LARP4B: variants seen among roughly 807,000 people sequenced by gnomAD.
LARP4B encodes the protein la-related protein 4B.
In LARP4B, 12 loss-of-function variants were observed where a neutral mutation model predicts 89.8. That is an observed-to-expected ratio of 0.13 (90% CI 0.09 to 0.22). The LOEUF (loss-of-function observed/expected upper bound fraction) is 0.22. Ranked by LOEUF, LARP4B falls within the 10% of genes least tolerant of loss-of-function variation. The pLI is 1.00. For missense variants in LARP4B, 757 were observed against 947.7 expected (o/e 0.80, Z 2.64); for synonymous variants, 367 against 363.3 (o/e 1.01, Z -0.12).
At chr10:820,462 G>A (rs1443173468) in intron 14 of LARP4B, 1 of 245,348 alleles carries the variant, frequency 4.1e-6, no homozygotes, top group African/African-American at 2.2e-5. Context: ...AGTCATTTCA[G>A]ACTCTCCGGT....
chr10:825,391 A>C, intron 12 of LARP4B, 75 bp from the exon 13 acceptor site: 1 of 1,433,188 alleles, frequency 7.0e-7, no homozygotes, highest in Non-Finnish European at 9.6e-7. Flanking sequence ...ACTGACATGG[A>C]ATAGCTAAGC....
the LARP4B span, among the ~76,000 whole-genome samples, chr10:982,593 T>C: frequency 6.6e-6 from 1 of 152,242 alleles, no homozygotes; most frequent in African/African-American, 2.4e-5. Flanking sequence ...TTTTTACATA[T>C]ATACTTCTAA....
chr10:812,930 TGAG>T lies in LARP4B; in HGVS notation c.2210_2212del (p.Pro737del), dbSNP rs765848137. 4 of 1,536,518 alleles carry T rather than the reference TGAG, an allele frequency of 2.6e-6. No individual in the cohort carries two copies. Among genetic ancestry groups the T allele is most frequent in the East Asian group, 4.5e-5 (2 of 44,354 alleles). On this transcript the variant is annotated inframe_deletion, in exon 18 of 18. Transcript: ENST00000316157. Reference sequence around the variant, plus strand: ...CCCCTCCCAGACGTACGGTTTTCACTGAGGAGACTTGGGGGGAGTGCTCTGCTC... The same window carrying T: ...CCCCTCCCAGACGTACGGTTTTCACTGAGACTTGGGGGGAGTGCTCTGCTC...
intron 3 of LARP4B, chr10:869,869 T>C (rs1034299796): frequency 5.5e-6 from 1 of 182,000 alleles, no homozygotes; most frequent in East Asian, 1.9e-4. Flanking sequence ...CCACTGCAAC[T>C]TGGGTGACAA....
At chr10:884,978 T>C (rs573682567) in intron 2 of LARP4B, among the ~76,000 whole-genome samples, 2 of 152,364 alleles carry the variant, frequency 1.3e-5, no homozygotes, top group East Asian at 1.9e-4. Context: ...CTACTACTTA[T>C]AGTTTCCTCT....
upstream of LARP4B, among the ~76,000 whole-genome samples, chr10:934,630 G>A (rs552849369): frequency 1.7e-4 from 26 of 152,144 alleles, 1 homozygote; most frequent in South Asian, 5.4e-3. Context: ...TGTCTCAGAA[G>A]AAACATCCAT....
At chr10:936,067 A>G (rs1830745442), upstream of LARP4B, among the ~76,000 whole-genome samples, 1 of 152,146 alleles carries the variant, frequency 6.6e-6, no homozygotes, top group South Asian at 2.1e-4. Flanking sequence ...CTGTGAAAAA[A>G]TAAACACTAC....
intron 1 of LARP4B, among the ~76,000 whole-genome samples, chr10:928,429 A>G (rs183249991): frequency 2.2e-4 from 33 of 152,362 alleles, no homozygotes; most frequent in African/African-American, 7.5e-4. Context: ...TGACAATGAA[A>G]TAACAGTGAA....
chr10:868,743 G>A (rs1044006983), intron 3 of LARP4B, among the ~76,000 whole-genome samples: 11 of 152,300 alleles, frequency 7.2e-5, no homozygotes, highest in African/African-American at 2.2e-4. Flanking sequence ...GTGTGGGCAC[G>A]GAAATAAAAG....
rs200771138 is a variant in LARP4B, at chr10:885,677, C to T, written c.45G>A (p.Thr15=). The part of the protein sequence containing the change: ...QDAKVVAEPQ[T]QRVQEGKDSA... The stretch of plus-strand genomic sequence containing the variant: ...TGTCCTTGCCCTCCTGGACTCTCTG[C>T]GTCTGCGGTTCAGCCACAACCTTAG... Residue 15 remains threonine, a synonymous_variant, in exon 2 of 18, where the codon ACG becomes ACA. Transcript: ENST00000316157. 8.1e-6 allele frequency: 13 copies of T among 1,613,968 alleles called. No individual in the cohort carries two copies. The East Asian group carries it at 8.9e-5, about 11-fold the overall frequency.
Position 825,207 on chromosome 10 carries a change from C to G in LARP4B, c.1342G>C (p.Gly448Arg), listed in dbSNP as rs1832559379. 1 of 1,614,150 alleles carries G rather than the reference C, an allele frequency of 6.2e-7. No individual in the cohort carries two copies. Among genetic ancestry groups the G allele is most frequent in the Non-Finnish European group, 8.5e-7 (1 of 1,180,032 alleles). The stretch of plus-strand genomic sequence containing the variant: ...TGCCTTGTTTGTGGACTCCGGACAC[C>G]ATTAATTAATCGATCTGCAGTGAAG... ...FNFTADRLIN[G>R]VRSPQTRQAG... is the part of the protein sequence containing the mutation. Residue 448 changes from glycine to arginine, a missense_variant, in exon 13 of 18, where the codon GGT (glycine) becomes CGT (arginine). Around this residue, in one of 5 missense-constraint regions of LARP4B, gnomAD observed 387 missense variants for 423.6 expected, o/e 0.91. Coordinates refer to ENST00000316157, the MANE Select transcript of LARP4B (RefSeq NM_015155.3).
Position 863,859 on chromosome 10 carries a change from T to A in LARP4B, c.314A>T (p.Asp105Val). The part of the protein sequence containing the change: ...PQGSDANGDG[D>V]QGHENAALPD... ...CAATGCGGCATTCTCATGGCCCTGG[T>A]CACCATCACCATTGGCATCCGATCC... The change falls in exon 5 of 18, where the codon GAC becomes GTC. Residue 105 changes from aspartate (D) to valine (V), a missense_variant. Around this residue, in one of 5 missense-constraint regions of LARP4B, gnomAD observed 175 missense variants for 187.0 expected, o/e 0.94. Transcript: ENST00000316157. 1 of 1,613,368 alleles carries A rather than the reference T, an allele frequency of 6.2e-7. No individual in the cohort carries two copies. Among genetic ancestry groups the A allele is most frequent in the South Asian group, 1.1e-5 (1 of 90,912 alleles).
intron 7 of LARP4B, among the ~76,000 whole-genome samples, chr10:841,748 C>T (rs1013854552): frequency 9.2e-5 from 14 of 152,158 alleles, no homozygotes; most frequent in Admixed American, 5.2e-4. Flanking sequence ...CCAGGGAGCA[C>T]GGCGCCATCC....
intron 7 of LARP4B, among the ~76,000 whole-genome samples, chr10:838,357 C>G (rs1833337745): frequency 6.6e-6 from 1 of 152,006 alleles, no homozygotes. Flanking sequence ...AAAATAGTTG[C>G]AAAAGACACA....
At position 890,993 on chromosome 10, in the gene LARP4B, T is replaced by C. The variant is rs565785741; in HGVS notation, c.-39-5233A>G. Among the ~76,000 whole-genome samples, 6 of 152,308 alleles carry C rather than the reference T, an allele frequency of 3.9e-5. No homozygotes were observed. In the South Asian group the frequency reaches 1.2e-3, roughly 32 times the overall value. Reference sequence around the variant, plus strand: ...GTGGATGCTTTTGCCAACATTAATTTCCAGATTTTTAAGATTCTTATGATA... The same window carrying C: ...GTGGATGCTTTTGCCAACATTAATTCCCAGATTTTTAAGATTCTTATGATA... On this transcript the variant is annotated intron_variant, in intron 1 of 17. Coordinates refer to ENST00000316157, the MANE Select transcript of LARP4B (RefSeq NM_015155.3).
chr10:893,071 CT>C (rs58203940), intron 1 of LARP4B, among the ~76,000 whole-genome samples: 56,069 of 149,566 alleles, frequency 0.37, 11,004 homozygotes, highest in South Asian at 0.55. Flanking sequence ...ACACCATACC[CT>C]TTTTTTTCTT....
At chr10:816,964 G>T (rs918422523) in intron 15 of LARP4B, among the ~76,000 whole-genome samples, 1 of 152,184 alleles carries the variant, frequency 6.6e-6, no homozygotes, top group Non-Finnish European at 1.5e-5. Context: ...ATGTGGCGTG[G>T]AACAGACACG....
chr10:941,718 A>T, the LARP4B span, among the ~76,000 whole-genome samples: 1 of 152,022 alleles, frequency 6.6e-6, no homozygotes, highest in Non-Finnish European at 1.5e-5. Context: ...TTGTTGTGCT[A>T]TATTGTTATT....
At chr10:863,084 G>C (rs764799886) in intron 5 of LARP4B, among the ~76,000 whole-genome samples, 1 of 152,112 alleles carries the variant, frequency 6.6e-6, no homozygotes, top group Non-Finnish European at 1.5e-5. Flanking sequence ...TTGCAAATGG[G>C]GCCTCAATTG....
Sources: gnomAD v4.1 joint callset for allele counts (sites outside exome capture counted in the v4.1 genomes callset) on GRCh38, gnomAD v4.1.1 for gene constraint, gnomAD v4.1.1 regional missense constraint, MANE v1.5 for transcripts, NCBI Gene and HGNC (gene_info 2026-07-23, HGNC 2026-07-21) for gene names.